TCF7L2: variants seen among roughly 807,000 people sequenced by gnomAD.
TCF7L2 encodes the protein transcription factor 7-like 2.
A neutral mutation model predicts 77.9 loss-of-function variants in TCF7L2; 23 were observed. The observed-to-expected ratio is 0.30, with a 90% confidence interval of 0.21 to 0.42. TCF7L2 has a LOEUF of 0.42. Among genes scored for constraint, TCF7L2 ranks in the 10% least tolerant of loss-of-function variants. The probability of loss-of-function intolerance (pLI) is 1.00; values close to 1 mark genes in which losing one functional copy is unlikely to be tolerated. For synonymous variants in TCF7L2, 413 were observed against 340.2 expected (o/e 1.21, Z -2.36); for missense variants, 654 against 793.1 (o/e 0.82, Z 2.11).
intron 4 of TCF7L2, among the ~76,000 whole-genome samples, chr10:112,980,482 A>G (rs1272044849): frequency 6.6e-6 from 1 of 152,224 alleles, no homozygotes; most frequent in Non-Finnish European, 1.5e-5. Context: ...TATGAAATGT[A>G]TCAGACTCAA....
intron 11 of TCF7L2, among the ~76,000 whole-genome samples, chr10:113,157,103 G>T (rs1394363618): frequency 6.6e-6 from 1 of 152,116 alleles, no homozygotes; most frequent in South Asian, 2.1e-4. Context: ...CACTCAGCAG[G>T]TTTTTTTTGT....
rs528431270 is a variant in TCF7L2 at position 113,147,397 on chromosome 10, C to T, written c.875+1300C>T. Among the ~76,000 whole-genome samples the T allele has an allele frequency of 9.9e-5, 15 of 152,268 alleles. 1 individual carries two copies. In the South Asian group the frequency reaches 2.5e-3, roughly 25 times the overall value. On this transcript the variant is annotated intron_variant, in intron 8 of 13. Coordinates refer to ENST00000627217, the MANE Select transcript of TCF7L2 (RefSeq NM_001146274.2). ...GTTACATTCATTAAGAAAAACAAAC[C>T]GTGGCATATCTAGCATCGGTAACTA...
At chr10:113,050,926 C>CTGAA (rs1423970086) in intron 5 of TCF7L2, among the ~76,000 whole-genome samples, 1 of 152,130 alleles carries the variant, frequency 6.6e-6, no homozygotes, top group African/African-American at 2.4e-5. Context: ...CACCCAGGTG[C>CTGAA]TGAACTCCCA....
chr10:112,974,447 TTTTGTTTTTG>T (rs1276614351), intron 4 of TCF7L2, among the ~76,000 whole-genome samples: 1 of 152,118 alleles, frequency 6.6e-6, no homozygotes, highest in Non-Finnish European at 1.5e-5. Flanking sequence ...TTTTCTTTTT[TTTTGTTTTTG>T]TTTTTGAGAT....
intron 5 of TCF7L2, among the ~76,000 whole-genome samples, chr10:113,048,208 C>T (rs752483452): frequency 6.6e-6 from 1 of 152,162 alleles, no homozygotes; most frequent in Non-Finnish European, 1.5e-5. Flanking sequence ...TAATGTGCGC[C>T]TACTTAGAGC....
chr10:113,160,799 C>G (rs1398129863), intron 13 of TCF7L2: 1 of 1,001,732 alleles, frequency 1.0e-6, no homozygotes, highest in African/African-American at 1.7e-5. Context: ...TCCCCTCTGG[C>G]ATCAATGACT....
At chr10:113,159,022 G>GT (rs2072560939) in intron 12 of TCF7L2, among the ~76,000 whole-genome samples, 1 of 148,474 alleles carries the variant, frequency 6.7e-6, no homozygotes, top group Non-Finnish European at 1.5e-5. Flanking sequence ...AAAGAGACTG[G>GT]TTAAAAAAAA....
chr10:112,967,343 G>C (rs866168102), intron 4 of TCF7L2, among the ~76,000 whole-genome samples: 7 of 152,084 alleles, frequency 4.6e-5, no homozygotes, highest in African/African-American at 7.2e-5. Flanking sequence ...AGAGTACTAT[G>C]ACCCTGTGCA....
chr10:112,990,589 C>G (rs1198635231), intron 4 of TCF7L2, among the ~76,000 whole-genome samples: 1 of 152,070 alleles, frequency 6.6e-6, no homozygotes, highest in African/African-American at 2.4e-5. Context: ...TGCCTGTAGT[C>G]CCAGCTACTG....
rs113767743 is a variant in TCF7L2, at chr10:113,151,052, G to C, written c.930G>C (p.Pro310=). Residue 310 remains proline, a synonymous_variant, in exon 9 of 14, where the codon CCG becomes CCC. Coordinates refer to ENST00000627217, the MANE Select transcript of TCF7L2 (RefSeq NM_001146274.2). This position sits in a 1 kb window ranked among gnomAD's most constrained non-coding sequence, Gnocchi z 5.2. ...ATACGCTACACACGACGGGCATTCC[G>C]CATCCGGCCATAGTCACACCAACAG... 2 of 1,613,998 alleles carry C rather than the reference G, an allele frequency of 1.2e-6. No homozygotes were observed. The highest frequency in any genetic ancestry group is 1.3e-5 in the African/African-American group (1 of 74,964).
At chr10:113,021,286 C>T (rs901850066) in intron 4 of TCF7L2, among the ~76,000 whole-genome samples, 4 of 152,162 alleles carry the variant, frequency 2.6e-5, no homozygotes, top group Non-Finnish European at 4.4e-5. Flanking sequence ...GGTAAGACTG[C>T]AAATGTTAGA....
chr10:112,987,797 G>A, intron 4 of TCF7L2: 1 of 171,688 alleles, frequency 5.8e-6, no homozygotes, highest in Non-Finnish European at 1.3e-5. Context: ...ACCTCAGCTG[G>A]CATCATGGAC....
At chr10:113,135,872 G>A (rs1213197894) in intron 5 of TCF7L2, among the ~76,000 whole-genome samples, 1 of 152,176 alleles carries the variant, frequency 6.6e-6, no homozygotes, top group African/African-American at 2.4e-5. Flanking sequence ...GCAGTGATTG[G>A]TAGGTGGGAG....
At chr10:113,138,269 CA>C (rs760512368) in intron 5 of TCF7L2, among the ~76,000 whole-genome samples, 12 of 150,278 alleles carry the variant, frequency 8.0e-5, no homozygotes, top group Non-Finnish European at 8.9e-5. Context: ...CCCCCACCCC[CA>C]TGGTATAGTT....
chr10:112,993,722 A>G (rs1255703214), intron 4 of TCF7L2, among the ~76,000 whole-genome samples: 1 of 152,140 alleles, frequency 6.6e-6, no homozygotes, highest in Non-Finnish European at 1.5e-5. Flanking sequence ...CTTGCCTCGC[A>G]AGCTGTCTTG....
rs1296688125 is a variant in TCF7L2, at chr10:112,951,115, C to G, written c.190-92C>G. On this transcript the variant is annotated intron_variant, in intron 1 of 13. Coordinates refer to ENST00000627217, the MANE Select transcript of TCF7L2 (RefSeq NM_001146274.2). ...TTGTAACCCTGTTTTTTTCTACCCC[C>G]CCCTCGACCTCGCCGATTCTTTTTC... 3.5e-5 allele frequency: 45 copies of G among 1,288,434 alleles called. No individual in the cohort carries two copies. In the East Asian group the frequency reaches 1.1e-3, roughly 32 times the overall value. The allele number at this position is 1,288,434 out of a possible 1,614,324, so 79.8% of individuals were successfully genotyped here.
At chr10:113,144,414 A>G (rs1234463447) in intron 7 of TCF7L2, among the ~76,000 whole-genome samples, 2 of 152,078 alleles carry the variant, frequency 1.3e-5, no homozygotes, top group African/African-American at 2.4e-5. Context: ...CAGTCATGTC[A>G]TTGGGTTGAG....
chr10:113,165,922 G>A lies in TCF7L2; in HGVS notation c.1759G>A (p.Ala587Thr), dbSNP rs774145012. Residue 587 changes from alanine to threonine, a missense_variant, in exon 14 of 14, where the codon GCC (alanine) becomes ACC (threonine). Ala to Thr is a moderately conservative substitution (Grantham distance 58). Around this residue, in one of 6 missense-constraint regions of TCF7L2, gnomAD observed 272 missense variants for 215.4 expected, o/e 1.26. Coordinates refer to ENST00000627217, the MANE Select transcript of TCF7L2 (RefSeq NM_001146274.2). ...TTCCTTACATTCCCACAGCTCCCTG[G>A]CCGGGACCCAGCCCCAGCCGCTGTC... The A allele has an allele frequency of 1.9e-6, 3 of 1,570,292 alleles. No homozygotes were observed. The highest frequency in any genetic ancestry group is 1.7e-6 in the Non-Finnish European group (2 of 1,156,046).
intron 4 of TCF7L2, among the ~76,000 whole-genome samples, chr10:112,997,591 G>T (rs1457944121): frequency 6.6e-6 from 1 of 152,224 alleles, no homozygotes; most frequent in Non-Finnish European, 1.5e-5. Flanking sequence ...TCGTGAAAGG[G>T]TTGACACCAA....
Sources: allele counts gnomAD v4.1 joint callset (sites outside exome capture counted in the v4.1 genomes callset), GRCh38; gene constraint gnomAD v4.1.1; regional missense constraint gnomAD v4.1.1; non-coding constraint Gnocchi (gnomAD v3.1); transcripts MANE v1.5; gene names NCBI Gene and HGNC (gene_info 2026-07-23, HGNC 2026-07-21).